Variants in TANC2 observed in about 807,000 individuals in gnomAD.
The protein encoded by TANC2 is tetratricopeptide repeat, ankyrin repeat and coiled-coil containing 2.
In TANC2, 26 loss-of-function variants were observed where a neutral mutation model predicts 210.5. The observed-to-expected ratio is 0.12, with a 90% CI of 0.09 to 0.17. The LOEUF (loss-of-function observed/expected upper bound fraction) is 0.17. Among genes scored for constraint, TANC2 ranks in the 10% least tolerant of loss-of-function variants. The pLI is 1.00. For missense variants in TANC2, 2,129 were observed against 2,608.9 expected, an observed-to-expected ratio of 0.82 and a Z score of 4.01; for synonymous variants, 931 against 967.1, an observed-to-expected ratio of 0.96 and a Z score of 0.69.
At chr17:63,417,988 A>T (rs2048917128) in intron 26 of TANC2, among the ~76,000 whole-genome samples, 1 of 152,244 alleles carries the variant, frequency 6.6e-6, no homozygotes, top group African/African-American at 2.4e-5. Flanking sequence ...GGATAACTTC[A>T]GGAGCTTCAC....
At chr17:63,234,265 T>A (rs2042559882) in intron 7 of TANC2, among the ~76,000 whole-genome samples, 1 of 152,226 alleles carries the variant, frequency 6.6e-6, no homozygotes. Flanking sequence ...TCACCAATAC[T>A]GAATCCATTC....
At chr17:63,175,890 GAA>G (rs1189522437) in intron 5 of TANC2, among the ~76,000 whole-genome samples, 1 of 152,190 alleles carries the variant, frequency 6.6e-6, no homozygotes, top group Non-Finnish European at 1.5e-5. Context: ...TAAAATGGAT[GAA>G]ATATTTGAAC....
intron 3 of TANC2, among the ~76,000 whole-genome samples, chr17:63,094,270 TG>T (rs1196580539): frequency 4.6e-5 from 7 of 152,262 alleles, no homozygotes; most frequent in Non-Finnish European, 7.4e-5. Flanking sequence ...CGTGTGGACT[TG>T]TAAGGATGTT....
At chr17:62,995,636 G>A (rs550582009) in intron 1 of TANC2, among the ~76,000 whole-genome samples, 1 of 152,324 alleles carries the variant, frequency 6.6e-6, no homozygotes, top group African/African-American at 2.4e-5. Context: ...AGCAGTGCTT[G>A]TACTACATAC....
chr17:63,054,315 C>A (rs1031311657), intron 2 of TANC2, among the ~76,000 whole-genome samples: 1 of 152,140 alleles, frequency 6.6e-6, no homozygotes, highest in Non-Finnish European at 1.5e-5. Context: ...GCTTATGTAG[C>A]CATGGAATAT....
At chr17:63,296,600 T>G (rs2044544339) in intron 9 of TANC2, among the ~76,000 whole-genome samples, 1 of 152,164 alleles carries the variant, frequency 6.6e-6, no homozygotes, top group African/African-American at 2.4e-5. Flanking sequence ...GACATTGGAC[T>G]TATCAAACAA....
At chr17:63,013,042 T>C (rs760933326) in intron 2 of TANC2, among the ~76,000 whole-genome samples, 37 of 152,084 alleles carry the variant, frequency 2.4e-4, no homozygotes, top group African/African-American at 6.3e-4. Context: ...TTATTTTGCC[T>C]TCATTTTTGT....
At chr17:63,273,001 C>G (rs1396969884) in intron 9 of TANC2, among the ~76,000 whole-genome samples, 3 of 152,082 alleles carry the variant, frequency 2.0e-5, no homozygotes, top group Non-Finnish European at 4.4e-5. Context: ...AAAAATTACA[C>G]AGGCGGCTAT....
intron 15 of TANC2, among the ~76,000 whole-genome samples, chr17:63,385,547 T>C (rs993360710): frequency 6.6e-6 from 1 of 152,270 alleles, no homozygotes; most frequent in Non-Finnish European, 1.5e-5. Flanking sequence ...GCTTCAGTTT[T>C]GTTTGCATGT....
chr17:63,327,945 C>T (rs959237353), intron 11 of TANC2, among the ~76,000 whole-genome samples: 1 of 152,160 alleles, frequency 6.6e-6, no homozygotes, highest in African/African-American at 2.4e-5. Context: ...TCACAACAGT[C>T]TCCAGAGTGT....
At chr17:63,307,494 C>T (rs1057415623) in intron 9 of TANC2, among the ~76,000 whole-genome samples, 10 of 152,122 alleles carry the variant, frequency 6.6e-5, no homozygotes, top group African/African-American at 2.4e-4. Flanking sequence ...CTTCATCCTA[C>T]ACATATTCCT....
chr17:63,118,048 G>A (rs919367699), intron 4 of TANC2, among the ~76,000 whole-genome samples: 1 of 152,296 alleles, frequency 6.6e-6, no homozygotes, highest in Non-Finnish European at 1.5e-5. Flanking sequence ...CAATGTAAAT[G>A]TGAAGGTTAG....
intron 3 of TANC2, among the ~76,000 whole-genome samples, chr17:63,074,364 A>T (rs2036502984): frequency 6.6e-6 from 1 of 152,110 alleles, no homozygotes. Flanking sequence ...TTTCATCAAT[A>T]TAGTATTTGT....
chr17:63,113,767 C>T (rs1304192566), intron 4 of TANC2, among the ~76,000 whole-genome samples: 1 of 152,152 alleles, frequency 6.6e-6, no homozygotes, highest in Non-Finnish European at 1.5e-5. Context: ...CTCGGTCTCC[C>T]AAAGCACTGA....
At chr17:63,081,995 C>G (rs537356423) in intron 3 of TANC2, among the ~76,000 whole-genome samples, 240 of 151,652 alleles carry the variant, frequency 1.6e-3, no homozygotes, top group African/African-American at 5.6e-3. Flanking sequence ...GAAACCCCGT[C>G]TCTACTAAAA....
intron 2 of TANC2, among the ~76,000 whole-genome samples, chr17:63,037,846 T>G (rs1396899947): frequency 2.0e-5 from 3 of 152,140 alleles, no homozygotes; most frequent in Non-Finnish European, 4.4e-5. Context: ...ATATGATTTT[T>G]TTTTTACTTT....
chr17:63,011,920 G>A (rs188228321), intron 2 of TANC2, among the ~76,000 whole-genome samples: 1 of 151,292 alleles, frequency 6.6e-6, no homozygotes, highest in East Asian at 1.9e-4. Flanking sequence ...TCATATATTT[G>A]GGTATCTGTG....
At chr17:63,246,001 C>A (rs1001065545) in intron 8 of TANC2, among the ~76,000 whole-genome samples, 2 of 126,788 alleles carry the variant, frequency 1.6e-5, no homozygotes, top group African/African-American at 7.0e-5. Flanking sequence ...CAGAGTGAGA[C>A]GCTGTCTCAA....
intron 2 of TANC2, among the ~76,000 whole-genome samples, chr17:63,066,259 G>A (rs2036192618): frequency 6.6e-6 from 1 of 152,072 alleles, no homozygotes; most frequent in Non-Finnish European, 1.5e-5. Flanking sequence ...CTGGCCTGGA[G>A]TCTGAGTAGT....
Sources: allele counts gnomAD v4.1 joint callset (sites outside exome capture counted in the v4.1 genomes callset), GRCh38; gene constraint gnomAD v4.1.1; transcripts MANE v1.5; gene names NCBI Gene and HGNC (gene_info 2026-07-23, HGNC 2026-07-21).